The following NME8 variants were observed in gnomAD, a reference collection of about 807,000 sequenced individuals.
NME8 encodes protein NME8.
Under a neutral mutation model 82.3 loss-of-function variants are expected in NME8, and 72 were observed. The observed-to-expected ratio is 0.87, with a 90% CI of 0.72 to 1.06. NME8 has a LOEUF of 1.06. Ranked by LOEUF, NME8 falls within the 50% of genes least tolerant of loss-of-function variation. NME8 has a pLI of 0.00. For missense variants in NME8, 712 were observed against 685.4 expected, an observed-to-expected ratio of 1.04 and a Z score of -0.43; for synonymous variants, 267 against 228.5, an observed-to-expected ratio of 1.17 and a Z score of -1.52.
At chr7:37,895,831 T>A (rs1483805617) in intron 16 of NME8, among the ~76,000 whole-genome samples, 1 of 152,162 alleles carries the variant, frequency 6.6e-6, no homozygotes, top group Non-Finnish European at 1.5e-5. Flanking sequence ...TTGTCTACAG[T>A]ATTCAGTATA....
intron 6 of NME8, among the ~76,000 whole-genome samples, chr7:37,858,149 CAG>C (rs1784540606): frequency 1.3e-5 from 2 of 152,150 alleles, no homozygotes; most frequent in African/African-American, 4.8e-5. Flanking sequence ...TTGTGTGACA[CAG>C]GGTATAGCTG....
intron 14 of NME8, among the ~76,000 whole-genome samples, chr7:37,886,835 C>A (rs993733697): frequency 6.7e-6 from 1 of 148,916 alleles, no homozygotes; most frequent in Non-Finnish European, 1.5e-5. Flanking sequence ...CAGCCAAGGG[C>A]AGAATGGAAA....
chr7:37,871,061 C>G (rs141726741), intron 11 of NME8, among the ~76,000 whole-genome samples: 21 of 152,338 alleles, frequency 1.4e-4, no homozygotes, highest in African/African-American at 4.1e-4. Context: ...CCTGCTCACT[C>G]TCCTCTCTGG....
At chr7:37,858,102 C>G (rs1343847674) in intron 6 of NME8, among the ~76,000 whole-genome samples, 5 of 151,886 alleles carry the variant, frequency 3.3e-5, no homozygotes, top group Non-Finnish European at 7.4e-5. Flanking sequence ...ATAAATAGTG[C>G]TATTTTCTAA....
At chr7:37,856,025 C>G (rs866508101) in intron 5 of NME8, among the ~76,000 whole-genome samples, 2 of 151,998 alleles carry the variant, frequency 1.3e-5, no homozygotes, top group Admixed American at 6.6e-5. Flanking sequence ...TCTAGGGTAC[C>G]TATCAGGCAA....
intron 11 of NME8, among the ~76,000 whole-genome samples, chr7:37,873,138 G>A (rs1325927194): frequency 6.6e-6 from 1 of 152,102 alleles, no homozygotes; most frequent in African/African-American, 2.4e-5. Flanking sequence ...TGTAATCCCA[G>A]CATTTGAAGT....
chr7:37,861,083 C>T (rs2131946369), intron 6 of NME8, among the ~76,000 whole-genome samples: 1 of 152,242 alleles, frequency 6.6e-6, no homozygotes, highest in African/African-American at 2.4e-5. Context: ...TTCTTTTGCT[C>T]CCCCCAGCAT....
At chr7:37,888,090 C>G (rs1785070983) in intron 14 of NME8, among the ~76,000 whole-genome samples, 187 bp from the exon 15 acceptor site, 1 of 152,138 alleles carries the variant, frequency 6.6e-6, no homozygotes, top group African/African-American at 2.4e-5. Context: ...ATCCTTTCTT[C>G]CTAATGACCG....
At chr7:37,883,748 A>G (rs1784998569) in intron 12 of NME8, among the ~76,000 whole-genome samples, 1 of 152,114 alleles carries the variant, frequency 6.6e-6, no homozygotes, top group Non-Finnish European at 1.5e-5. Flanking sequence ...ACACTGCCAC[A>G]CTTTCTGTAA....
rs571207830 is a variant in NME8 at position 37,875,555 on chromosome 7, A to G, written c.819-1277A>G. On this transcript the variant is annotated intron_variant, in intron 11 of 17. Transcript: ENST00000199447. ...TGGGAGTTCTTTGTCCTAGTCTTGC[A>G]ACTTTTCTATTAATTTAATTTTTTT... Among the ~76,000 whole-genome samples the G allele has an allele frequency of 1.7e-3, 256 of 152,204 alleles. 1 individual carries two copies. Among genetic ancestry groups the G allele is most frequent in the Non-Finnish European group, 3.3e-3 (226 of 68,018 alleles).
At chr7:37,877,925 G>A (rs1784882521) in intron 12 of NME8, among the ~76,000 whole-genome samples, 1 of 152,172 alleles carries the variant, frequency 6.6e-6, no homozygotes, top group Non-Finnish European at 1.5e-5. Context: ...GGTTTGCAAA[G>A]TGAGATACTT....
chr7:37,856,057 C>T (rs1250368012), intron 5 of NME8, among the ~76,000 whole-genome samples: 1 of 152,146 alleles, frequency 6.6e-6, no homozygotes, highest in Non-Finnish European at 1.5e-5. Context: ...CTTGTAATGT[C>T]ATGATTTTTC....
At chr7:37,886,954 C>T (rs974270716) in intron 14 of NME8, among the ~76,000 whole-genome samples, 1 of 151,886 alleles carries the variant, frequency 6.6e-6, no homozygotes, top group Admixed American at 6.6e-5. Flanking sequence ...GGACAGAAAA[C>T]CAAGTTTCCA....
chr7:37,854,291 A>G (rs1784479519), intron 5 of NME8, among the ~76,000 whole-genome samples: 2 of 152,160 alleles, frequency 1.3e-5, no homozygotes, highest in South Asian at 4.1e-4. Context: ...GTGGAAGTGG[A>G]TTACCATAAA....
intron 5 of NME8, among the ~76,000 whole-genome samples, chr7:37,854,463 G>A (rs982389950): frequency 3.9e-5 from 6 of 151,954 alleles, no homozygotes; most frequent in African/African-American, 1.2e-4. Flanking sequence ...ATGGAAATAC[G>A]TGGTAATTTC....
intron 5 of NME8, among the ~76,000 whole-genome samples, chr7:37,855,290 G>A (rs1394432928): frequency 1.3e-5 from 2 of 152,128 alleles, no homozygotes; most frequent in Non-Finnish European, 2.9e-5. Context: ...AGAATAAAAG[G>A]TTCTCATTGT....
chr7:37,864,538 C>T, intron 9 of NME8, 117 bp downstream of exon 9: 1 of 1,047,716 alleles, frequency 9.5e-7, no homozygotes, highest in Non-Finnish European at 1.4e-6. Context: ...ACTACTGGTG[C>T]TAGGTACCTC....
rs112530463 is a variant in NME8, at chr7:37,853,874, T to G, written c.198+3139T>G. 1.9e-3 allele frequency among the ~76,000 whole-genome samples: 287 copies of G among 151,164 alleles called. 3 individuals carry two copies. Among genetic ancestry groups the G allele is most frequent in the African/African-American group, 5.0e-3 (207 of 41,274 alleles). On this transcript the variant is annotated intron_variant, in intron 5 of 17. Transcript: ENST00000199447. The stretch of plus-strand genomic sequence containing the variant: ...AGGAACATTAAATATTTTATATATA[T>G]AGAGAGAGGCATATAAAAATTTAGT...
chr7:37,885,335 A>G, intron 14 of NME8, 83 bp downstream of exon 14: 1 of 864,294 alleles, frequency 1.2e-6, no homozygotes, highest in Non-Finnish European at 1.9e-6. Flanking sequence ...TTGGAACCAC[A>G]GCTCTAGTCC....
Sources: gnomAD v4.1 joint callset for allele counts (sites outside exome capture counted in the v4.1 genomes callset) on GRCh38, gnomAD v4.1.1 for gene constraint, MANE v1.5 for transcripts, NCBI Gene and HGNC (gene_info 2026-07-23, HGNC 2026-07-21) for gene names.